SPHKAP: variants seen among roughly 807,000 people sequenced by gnomAD.
SPHKAP encodes the protein SPHK1 interactor, AKAP domain containing.
A neutral mutation model predicts 137.5 loss-of-function variants in SPHKAP; 67 were observed. That is an observed-to-expected ratio of 0.49 (90% confidence interval 0.40 to 0.60). The LOEUF is 0.60. Among genes scored for constraint, SPHKAP ranks in the 20% least tolerant of loss-of-function variants. SPHKAP has a pLI of 0.00. For missense variants in SPHKAP, 2,097 were observed against 2,069.3 expected, an observed-to-expected ratio of 1.01 and a Z score of -0.26; for synonymous variants, 813 against 785.3, an observed-to-expected ratio of 1.04 and a Z score of -0.59.
At chr2:228,049,928 A>G (rs572065447) in intron 3 of SPHKAP, among the ~76,000 whole-genome samples, 5 of 152,250 alleles carry the variant, frequency 3.3e-5, no homozygotes, top group Non-Finnish European at 7.4e-5. Context: ...GAAAATCTTC[A>G]CAAACTCCAA....
intron 3 of SPHKAP, among the ~76,000 whole-genome samples, chr2:228,037,902 C>G (rs941173769): frequency 6.6e-6 from 1 of 152,130 alleles, no homozygotes; most frequent in Admixed American, 6.5e-5. Flanking sequence ...CTGGATTGCT[C>G]TTAGCAAGTT....
Position 227,985,428 on chromosome 2 carries a change from C to T in SPHKAP, c.4960-3568G>A, listed in dbSNP as rs145261557. Among the ~76,000 whole-genome samples the T allele has an allele frequency of 1.1e-3, 162 of 152,130 alleles. 1 individual carries two copies. The highest frequency in any genetic ancestry group is 3.4e-3 in the Middle Eastern group (1 of 292). ...AGAAAAGGACATTCTAGTTCTTTAC[C>T]GGGCTTTTAAAACCATGTTTTATTT... On this transcript the variant is annotated intron_variant, in intron 11 of 11. Coordinates refer to ENST00000392056, the MANE Select transcript of SPHKAP (RefSeq NM_001142644.2).
intron 3 of SPHKAP, among the ~76,000 whole-genome samples, chr2:228,080,901 T>C: frequency 6.6e-6 from 1 of 152,122 alleles, no homozygotes; most frequent in Non-Finnish European, 1.5e-5. Flanking sequence ...TACACAGTTG[T>C]TGGGAATGTA....
intron 2 of SPHKAP, among the ~76,000 whole-genome samples, chr2:228,113,603 ATCTCTCTC>A (rs139499722): frequency 0.012 from 1,179 of 97,956 alleles, 20 homozygotes; most frequent in Middle Eastern, 0.032. Flanking sequence ...GCATTTAGCC[ATCTCTCTC>A]TCTCTCTCTC....
At chr2:228,105,051 C>T (rs1262475033) in intron 3 of SPHKAP, among the ~76,000 whole-genome samples, 3 of 152,172 alleles carry the variant, frequency 2.0e-5, no homozygotes, top group Admixed American at 6.5e-5. Flanking sequence ...TAACTGCAGC[C>T]TTGAACTCTT....
intron 1 of SPHKAP, among the ~76,000 whole-genome samples, chr2:228,143,895 C>T (rs1699685037): frequency 6.6e-6 from 1 of 152,166 alleles, no homozygotes; most frequent in Non-Finnish European, 1.5e-5. Flanking sequence ...ACTACCAAGT[C>T]CTGCATGCAT....
chr2:228,114,431 T>C (rs1327324194), intron 2 of SPHKAP, among the ~76,000 whole-genome samples: 1 of 152,140 alleles, frequency 6.6e-6, no homozygotes, highest in African/African-American at 2.4e-5. Context: ...CAGTGACTGG[T>C]GATTAATCTT....
chr2:228,046,105 A>G (rs553012106), intron 3 of SPHKAP, among the ~76,000 whole-genome samples: 1 of 152,174 alleles, frequency 6.6e-6, no homozygotes, highest in African/African-American at 2.4e-5. Flanking sequence ...TACGGTAATT[A>G]TGGGTGGTGA....
At chr2:228,069,635 A>G (rs748881119) in intron 3 of SPHKAP, among the ~76,000 whole-genome samples, 72 of 151,906 alleles carry the variant, frequency 4.7e-4, no homozygotes, top group Non-Finnish European at 9.4e-4. Context: ...TTTAATTACT[A>G]GAACCATCAA....
At chr2:228,142,464 T>A (rs1699635761) in intron 1 of SPHKAP, among the ~76,000 whole-genome samples, 1 of 148,946 alleles carries the variant, frequency 6.7e-6, no homozygotes, top group African/African-American at 2.5e-5. Context: ...AGAGCGAGAC[T>A]CCATCTCAAA....
At chr2:228,043,991 A>G (rs1695941413) in intron 3 of SPHKAP, among the ~76,000 whole-genome samples, 1 of 152,194 alleles carries the variant, frequency 6.6e-6, no homozygotes, top group Non-Finnish European at 1.5e-5. Flanking sequence ...ATAAAAGATA[A>G]TTTATATACT....
In SPHKAP at chr2:228,018,304, C is replaced by T; in HGVS notation, c.2550G>A (p.Glu850=). ...GEDTKSPHHS[E]NECRASSEGQ... ...CTTCGGAAGAGGCTCTGCATTCATT[C>T]TCACTGTGATGAGGGCTTTTTGTAT... The change falls in exon 7 of 12, where the codon GAG becomes GAA. Residue 850 remains glutamate (E), a synonymous_variant. Transcript: ENST00000392056. 6.2e-7 allele frequency: 1 copy of T among 1,614,218 alleles called. No homozygotes were observed. The highest frequency in any genetic ancestry group is 8.5e-7 in the Non-Finnish European group (1 of 1,180,032).
intron 3 of SPHKAP, among the ~76,000 whole-genome samples, chr2:228,074,975 G>A (rs1214844894): frequency 6.6e-6 from 1 of 152,064 alleles, no homozygotes; most frequent in African/African-American, 2.4e-5. Flanking sequence ...AAGAGGAGGA[G>A]GAGGAAAAAG....
intron 11 of SPHKAP, among the ~76,000 whole-genome samples, chr2:227,989,232 T>C (rs1162289084): frequency 6.6e-6 from 1 of 152,194 alleles, no homozygotes; most frequent in African/African-American, 2.4e-5. Context: ...AAGATCCTTT[T>C]AAAATAAAGA....
At chr2:228,014,891 T>A (rs1308670998) in intron 7 of SPHKAP, among the ~76,000 whole-genome samples, 1 of 152,178 alleles carries the variant, frequency 6.6e-6, no homozygotes, top group Non-Finnish European at 1.5e-5. Context: ...CTTAATTTTT[T>A]ATTTTGTTTT....
At position 228,032,902 on chromosome 2, in the gene SPHKAP, G is replaced by A. The variant is rs190393402; in HGVS notation, c.247-5359C>T. On this transcript the variant is annotated intron_variant, in intron 3 of 11. Coordinates refer to ENST00000392056, the MANE Select transcript of SPHKAP (RefSeq NM_001142644.2). ...GCACTAAACATGGAAAGGAACAACC[G>A]GTACCTGCCACTCCAAAAACATGCC... Among the ~76,000 whole-genome samples the A allele has an allele frequency of 8.0e-3, 1,223 of 152,166 alleles. 17 individuals are homozygous for A. Among genetic ancestry groups the A allele is most frequent in the African/African-American group, 0.027 (1,117 of 41,498 alleles).
intron 1 of SPHKAP, among the ~76,000 whole-genome samples, chr2:228,176,848 C>G (rs958546644): frequency 6.6e-6 from 1 of 152,166 alleles, no homozygotes; most frequent in Non-Finnish European, 1.5e-5. Flanking sequence ...GCACTCCAGC[C>G]TGGGCAACAA....
chr2:227,995,366 C>G, intron 8 of SPHKAP, 143 bp downstream of exon 8: 1 of 905,160 alleles, frequency 1.1e-6, no homozygotes. Context: ...GACAGGCAGG[C>G]CCCTCGACAT....
intron 1 of SPHKAP, among the ~76,000 whole-genome samples, chr2:228,146,692 T>C (rs1027281043): frequency 3.9e-5 from 6 of 152,248 alleles, no homozygotes; most frequent in African/African-American, 9.6e-5. Context: ...CTAAGGATAA[T>C]AGTCTCCAGT....
Sources: gnomAD v4.1 joint callset for allele counts (sites outside exome capture counted in the v4.1 genomes callset) on GRCh38, gnomAD v4.1.1 for gene constraint, MANE v1.5 for transcripts, NCBI Gene and HGNC (gene_info 2026-07-23, HGNC 2026-07-21) for gene names.